Variants in BABAM2 observed in about 807,000 individuals in gnomAD.
BABAM2 encodes the protein BRISC and BRCA1 A complex member 2, also known as BRISC and BRCA1-A complex member 2.
Under a neutral mutation model 54.7 loss-of-function variants are expected in BABAM2, and 31 were observed. The ratio of observed to expected loss-of-function variants is 0.57; its 90% confidence interval spans 0.43 to 0.77. The LOEUF (loss-of-function observed/expected upper bound fraction) is 0.77. BABAM2 is among the 30% of genes least tolerant of loss of function. BABAM2 has a pLI of 0.00. For missense variants in BABAM2, 364 were observed against 455.8 expected, an observed-to-expected ratio of 0.80 and a Z score of 1.83; for synonymous variants, 167 against 162.9, an observed-to-expected ratio of 1.03 and a Z score of -0.19.
rs182936757 is a variant in BABAM2 at position 28,006,689 on chromosome 2, A to G, written c.301-18537A>G. Among the ~76,000 whole-genome samples the G allele has an allele frequency of 2.5e-3, 388 of 152,188 alleles. 1 individual carries two copies. The highest frequency in any genetic ancestry group is 8.8e-3 in the African/African-American group (366 of 41,572). ...TCAAGTAAGGTGAATGATACTAAGT[A>G]TGCTTTATTTTAAACAATAACAGGA... On this transcript the variant is annotated intron_variant, in intron 4 of 11. Transcript: ENST00000379624.
At chr2:27,980,481 C>T (rs1213054798) in intron 3 of BABAM2, among the ~76,000 whole-genome samples, 2 of 152,110 alleles carry the variant, frequency 1.3e-5, no homozygotes, top group Admixed American at 6.6e-5. Context: ...ATGTTCTTGA[C>T]TGATTTACTG....
chr2:27,949,434 C>G (rs943015717), intron 3 of BABAM2, among the ~76,000 whole-genome samples: 5 of 150,746 alleles, frequency 3.3e-5, no homozygotes, highest in Non-Finnish European at 5.9e-5. Context: ...CTTGGGAGGC[C>G]GAGGCAGGAG....
At chr2:28,002,239 A>G (rs535798264) in intron 4 of BABAM2, among the ~76,000 whole-genome samples, 2 of 152,224 alleles carry the variant, frequency 1.3e-5, no homozygotes, top group Admixed American at 6.5e-5. Context: ...CTTCTAGGTG[A>G]ACATCACAAC....
At chr2:28,022,781 T>C (rs920349069) in intron 4 of BABAM2, among the ~76,000 whole-genome samples, 2 of 152,192 alleles carry the variant, frequency 1.3e-5, no homozygotes, top group Admixed American at 6.5e-5. Flanking sequence ...TGCCTCCTCC[T>C]CCTCTTTCCC....
chr2:28,302,034 C>G (rs964220180), intron 11 of BABAM2, among the ~76,000 whole-genome samples: 1 of 152,076 alleles, frequency 6.6e-6, no homozygotes. Flanking sequence ...CTTTTAGATA[C>G]TTCTAAATGA....
At chr2:28,046,011 A>G (rs907195136) in intron 6 of BABAM2, among the ~76,000 whole-genome samples, 6 of 152,244 alleles carry the variant, frequency 3.9e-5, no homozygotes, top group African/African-American at 7.2e-5. Flanking sequence ...TTTCCATATT[A>G]AAATAAAATT....
intron 7 of BABAM2, among the ~76,000 whole-genome samples, chr2:28,225,744 A>G (rs988501586): frequency 1.3e-5 from 2 of 151,874 alleles, no homozygotes; most frequent in African/African-American, 4.8e-5. Context: ...GAACTCCCAC[A>G]GTCCACGAGT....
intron 11 of BABAM2, among the ~76,000 whole-genome samples, chr2:28,328,389 T>G (rs1003333865): frequency 5.9e-5 from 9 of 152,180 alleles, no homozygotes; most frequent in African/African-American, 2.2e-4. Context: ...GCCTTAGATG[T>G]TGGAACTTGC....
At chr2:28,205,389 G>A (rs1678733538) in intron 7 of BABAM2, among the ~76,000 whole-genome samples, 1 of 151,810 alleles carries the variant, frequency 6.6e-6, no homozygotes, top group South Asian at 2.1e-4. Context: ...TGTGGTCCTA[G>A]CTACTCGGGA....
At chr2:28,004,689 CTTT>C (rs139298331) in intron 4 of BABAM2, among the ~76,000 whole-genome samples, 5 of 140,620 alleles carry the variant, frequency 3.6e-5, no homozygotes, top group African/African-American at 5.2e-5. Context: ...TTTAAAGATA[CTTT>C]TTTTTTTTTT....
chr2:28,182,681 A>G (rs191739496), intron 7 of BABAM2, among the ~76,000 whole-genome samples: 1 of 152,210 alleles, frequency 6.6e-6, no homozygotes, highest in African/African-American at 2.4e-5. Context: ...TCACATGTAC[A>G]CCAACTGTTG....
At position 28,313,203 on chromosome 2, in the gene BABAM2, TCTAAAAACCA is replaced by T. The variant is rs528048315; in HGVS notation, c.1088+14713_1088+14722del. Among the ~76,000 whole-genome samples, 865 of 152,076 alleles carry T rather than the reference TCTAAAAACCA, an allele frequency of 5.7e-3. 8 individuals are homozygous for T. The highest frequency in any genetic ancestry group is 0.02 in the African/African-American group (810 of 41,472). On this transcript the variant is annotated intron_variant, in intron 11 of 11. Transcript: ENST00000379624. ...TGAGCAGAAATAACCCTGCTGAGAG[TCTAAAAACCA>T]AGTACTTTTAAGAGAAGGTAACATG...
chr2:28,223,677 A>C (rs1432974345), intron 7 of BABAM2, among the ~76,000 whole-genome samples: 1 of 152,196 alleles, frequency 6.6e-6, no homozygotes, highest in East Asian at 1.9e-4. Context: ...GGCCAGGCTG[A>C]ATGTTGCCAA....
chr2:28,320,455 G>A (rs577317380), intron 11 of BABAM2, among the ~76,000 whole-genome samples: 3 of 152,372 alleles, frequency 2.0e-5, no homozygotes, highest in South Asian at 2.1e-4. Context: ...AGGGCAGTGG[G>A]AGCCCAGTGA....
intron 7 of BABAM2, chr2:28,233,198 C>T (rs1210834766): frequency 2.1e-6 from 1 of 471,702 alleles, no homozygotes; most frequent in Non-Finnish European, 4.4e-6. Flanking sequence ...CCTCCCCGCA[C>T]CACTCTGGGG....
chr2:28,316,854 G>A (rs756144209), intron 11 of BABAM2, among the ~76,000 whole-genome samples: 9 of 152,172 alleles, frequency 5.9e-5, no homozygotes, highest in Non-Finnish European at 1.3e-4. Flanking sequence ...TAATCTCGCT[G>A]CTTCACTTTA....
chr2:28,196,807 C>G (rs1677612480), intron 7 of BABAM2, among the ~76,000 whole-genome samples: 1 of 145,170 alleles, frequency 6.9e-6, no homozygotes, highest in Non-Finnish European at 1.5e-5. Flanking sequence ...TGATCACACT[C>G]CAGCCTGGGT....
chr2:28,112,667 T>C (rs561601548), intron 6 of BABAM2, among the ~76,000 whole-genome samples: 11 of 152,332 alleles, frequency 7.2e-5, no homozygotes, highest in African/African-American at 2.6e-4. Flanking sequence ...GCAATAAACA[T>C]ATGTGTGCAT....
At chr2:28,209,371 T>C (rs913846186) in intron 7 of BABAM2, among the ~76,000 whole-genome samples, 10 of 152,212 alleles carry the variant, frequency 6.6e-5, no homozygotes, top group African/African-American at 2.4e-4. Flanking sequence ...AGGATTGTCA[T>C]CTTACAAATT....
Sources: allele counts gnomAD v4.1 joint callset (sites outside exome capture counted in the v4.1 genomes callset), GRCh38; gene constraint gnomAD v4.1.1; transcripts MANE v1.5; gene names NCBI Gene and HGNC (gene_info 2026-07-23, HGNC 2026-07-21).